ZC3H12C: variants seen among roughly 807,000 people sequenced by gnomAD.
ZC3H12C encodes the protein zinc finger CCCH-type containing 12C, also known as probable ribonuclease ZC3H12C.
In ZC3H12C, 20 loss-of-function variants were observed where a neutral mutation model predicts 76.3. The ratio of observed to expected loss-of-function variants is 0.26; its 90% confidence interval spans 0.18 to 0.38. ZC3H12C has a LOEUF of 0.38. Among genes scored for constraint, ZC3H12C ranks in the 10% least tolerant of loss-of-function variants. ZC3H12C has a pLI of 1.00. For missense variants in ZC3H12C, 874 were observed against 1,086.5 expected (o/e 0.80, Z 2.75); for synonymous variants, 352 against 399.6 (o/e 0.88, Z 1.42).
intron 1 of ZC3H12C, among the ~76,000 whole-genome samples, chr11:110,093,750 G>A (rs1861058351): frequency 6.6e-6 from 1 of 152,116 alleles, no homozygotes; most frequent in Non-Finnish European, 1.5e-5. Flanking sequence ...GTCCCCGCCC[G>A]CCCGGGGGCA....
chr11:110,106,478 C>T (rs1467151935), intron 1 of ZC3H12C, among the ~76,000 whole-genome samples: 1 of 152,176 alleles, frequency 6.6e-6, no homozygotes, highest in Non-Finnish European at 1.5e-5. Flanking sequence ...TGCTGTGACA[C>T]TTGGGGGTTA....
chr11:110,145,532 GA>G (rs1372003047), intron 2 of ZC3H12C, among the ~76,000 whole-genome samples: 1 of 150,876 alleles, frequency 6.6e-6, no homozygotes, highest in Non-Finnish European at 1.5e-5. Context: ...GTCCTTTTCA[GA>G]GCTTGGTCTA....
chr11:110,152,200 C>G (rs1406294766), intron 2 of ZC3H12C, among the ~76,000 whole-genome samples: 1 of 152,220 alleles, frequency 6.6e-6, no homozygotes, highest in African/African-American at 2.4e-5. Context: ...TACTGAATGA[C>G]TACACTGTTA....
chr11:110,107,291 C>T (rs1217022314), intron 1 of ZC3H12C, among the ~76,000 whole-genome samples: 1 of 152,124 alleles, frequency 6.6e-6, no homozygotes, highest in Non-Finnish European at 1.5e-5. Context: ...ATTTTTATCA[C>T]TGTTGTTCGT....
In ZC3H12C at chr11:110,136,733, T is replaced by C. The variant is rs764671894; in HGVS notation, c.92T>C (p.Phe31Ser). ...SKVESSTRNN[F>S]MGLKDHLGHD... ...GTGGAGTCAAGTACACGTAACAACTTCATGGGCTTGAAGGATCACCTAGGG... is the reference window on the plus strand; with the variant it reads ...GTGGAGTCAAGTACACGTAACAACTCCATGGGCTTGAAGGATCACCTAGGG... Residue 31 changes from phenylalanine to serine, a missense_variant, in exon 2 of 6, where the codon TTC (phenylalanine) becomes TCC (serine). This residue lies in a region of ZC3H12C where 210 missense variants were observed against 227.1 expected (regional missense o/e 0.92). Transcript: ENST00000278590. 6.8e-6 allele frequency: 11 copies of C among 1,613,828 alleles called. No individual in the cohort carries two copies. In the South Asian group the frequency reaches 9.9e-5, roughly 14 times the overall value.
chr11:110,136,576 A>C, intron 1 of ZC3H12C, 87 bp from the exon 2 acceptor site: 2 of 1,392,386 alleles, frequency 1.4e-6, no homozygotes, highest in Non-Finnish European at 2.0e-6. Flanking sequence ...TATTTTGAGT[A>C]GTTGAGTAAT....
In ZC3H12C at chr11:110,164,527, A is replaced by T; in HGVS notation, c.1442A>T (p.Asp481Val). ...AGCACCAAGGCTGATAGCACTTCTG[A>T]TGTCAAACGAGGTGCTCCAAAGAGG... ...PCSTKADSTS[D>V]VKRGAPKRQS... The change falls in exon 6 of 6, where the codon GAT becomes GTT. Residue 481 changes from aspartate (D) to valine (V), a missense_variant. Around this residue, in one of 3 missense-constraint regions of ZC3H12C, gnomAD observed 269 missense variants for 424.9 expected, o/e 0.63. Coordinates refer to ENST00000278590, the MANE Select transcript of ZC3H12C (RefSeq NM_033390.2). The surrounding 1 kb of genome is among the most constrained non-coding windows in gnomAD (Gnocchi z 5.7). 2.5e-6 allele frequency: 4 copies of T among 1,614,006 alleles called. No homozygotes were observed. The highest frequency in any genetic ancestry group is 3.4e-6 in the Non-Finnish European group (4 of 1,179,892).
intron 1 of ZC3H12C, among the ~76,000 whole-genome samples, chr11:110,107,101 GGATTCCCTT>G (rs1191262751): frequency 6.6e-6 from 1 of 152,030 alleles, no homozygotes; most frequent in African/African-American, 2.4e-5. Context: ...TGCCCTAGAG[GGATTCCCTT>G]AAATTATTAA....
In ZC3H12C at chr11:110,169,593, T is replaced by G. The variant is rs1324281451; in HGVS notation, c.*3856T>G. 1 of 152,186 alleles carries G rather than the reference T, an allele frequency of 6.6e-6. No homozygotes were observed. Among genetic ancestry groups the G allele is most frequent in the Non-Finnish European group, 1.5e-5 (1 of 68,016 alleles). 9.4% of individuals were successfully genotyped at this position (152,186 alleles called of 1,614,324 possible). On this transcript the variant is annotated 3_prime_UTR_variant, in exon 6 of 6. Coordinates refer to ENST00000278590, the MANE Select transcript of ZC3H12C (RefSeq NM_033390.2). ...CCCACGTGACCTGAAATCAAACAGATTCTGGCTGGACATATGCTTATGTTC... is the reference window on the plus strand; with the variant it reads ...CCCACGTGACCTGAAATCAAACAGAGTCTGGCTGGACATATGCTTATGTTC...
intron 1 of ZC3H12C, among the ~76,000 whole-genome samples, chr11:110,111,838 T>C (rs1345141613): frequency 1.3e-5 from 2 of 151,756 alleles, no homozygotes; most frequent in African/African-American, 2.4e-5. Context: ...CCACTGTACC[T>C]GGCCCCCAGT....
At chr11:110,108,392 C>T (rs1254182215) in intron 1 of ZC3H12C, among the ~76,000 whole-genome samples, 2 of 152,292 alleles carry the variant, frequency 1.3e-5, no homozygotes, top group East Asian at 3.9e-4. Context: ...AATGACAGTG[C>T]TATTGAAATG....
At position 110,163,377 on chromosome 11, in the gene ZC3H12C, A is replaced by T. The variant is rs1383017256; in HGVS notation, c.1253A>T (p.Tyr418Phe). The change falls in exon 5 of 6, where the codon TAT becomes TTT. Residue 418 changes from tyrosine to phenylalanine, a missense_variant and splice_region_variant. Coordinates refer to ENST00000278590, the MANE Select transcript of ZC3H12C (RefSeq NM_033390.2). ...VPEHKKQPCP[Y>F]GKKCTYGHKC... is the part of the protein sequence containing the mutation. ...GAACACAAAAAGCAGCCTTGTCCAT[A>T]TGGTAACTTGCTTTGTGAATATTGG... is the stretch of plus-strand genomic sequence containing the variant. 2 of 1,609,966 alleles carry T rather than the reference A, an allele frequency of 1.2e-6. No homozygotes were observed. Among genetic ancestry groups the T allele is most frequent in the Non-Finnish European group, 1.7e-6 (2 of 1,177,896 alleles).
At chr11:110,128,552 GA>G (rs1861797439) in intron 1 of ZC3H12C, among the ~76,000 whole-genome samples, 1 of 151,140 alleles carries the variant, frequency 6.6e-6, no homozygotes. Context: ...GGGATAAAGA[GA>G]AGGAAGAAAA....
chr11:110,128,028 A>G (rs894936890), intron 1 of ZC3H12C, among the ~76,000 whole-genome samples: 1 of 152,232 alleles, frequency 6.6e-6, no homozygotes, highest in African/African-American at 2.4e-5. Context: ...TACGTCAGAA[A>G]AAGTACAAGC....
intron 1 of ZC3H12C, among the ~76,000 whole-genome samples, chr11:110,100,272 T>C (rs1025420404): frequency 6.7e-6 from 1 of 149,090 alleles, no homozygotes; most frequent in Admixed American, 6.8e-5. Flanking sequence ...CTCGAACTCC[T>C]GGGCTCAAGT....
In ZC3H12C at chr11:110,103,928, A is replaced by G. The variant is rs145167736; in HGVS notation, c.21+10496A>G. On this transcript the variant is annotated intron_variant, in intron 1 of 5. Transcript: ENST00000278590. ...GTTACTGAGATTTCTAATTTATCCT[A>G]AGTGGCATAGCAATACTTGTTATGC... is the stretch of plus-strand genomic sequence containing the variant. Among the ~76,000 whole-genome samples, 23 of 151,872 alleles carry G rather than the reference A, an allele frequency of 1.5e-4. 1 individual carries two copies. The East Asian group carries it at 4.5e-3, about 30-fold the overall frequency.
intron 3 of ZC3H12C, among the ~76,000 whole-genome samples, chr11:110,155,555 T>C (rs762064361): frequency 6.6e-6 from 1 of 151,936 alleles, no homozygotes; most frequent in Non-Finnish European, 1.5e-5. Flanking sequence ...AAAGTGTTCA[T>C]TCATTAGAAG....
At chr11:110,117,079 G>T (rs968634198) in intron 1 of ZC3H12C, among the ~76,000 whole-genome samples, 4 of 152,164 alleles carry the variant, frequency 2.6e-5, no homozygotes, top group Non-Finnish European at 5.9e-5. Context: ...GCTTCCTTTG[G>T]CACTGGCCAG....
intron 2 of ZC3H12C, among the ~76,000 whole-genome samples, chr11:110,139,956 A>G (rs1030358918): frequency 4.7e-5 from 7 of 150,068 alleles, no homozygotes; most frequent in Non-Finnish European, 7.4e-5. Context: ...AATGAATCCA[A>G]TGCTTTCTAG....
Sources: allele counts gnomAD v4.1 joint callset (sites outside exome capture counted in the v4.1 genomes callset), GRCh38; gene constraint gnomAD v4.1.1; regional missense constraint gnomAD v4.1.1; non-coding constraint Gnocchi (gnomAD v3.1); transcripts MANE v1.5; gene names NCBI Gene and HGNC (gene_info 2026-07-23, HGNC 2026-07-21).